Variants in GNG7 observed in about 807,000 individuals in gnomAD.
GNG7 encodes G protein subunit gamma 7.
GNG7 carries 1 observed loss-of-function variant against 4.0 expected under a neutral mutation model. The observed-to-expected ratio is 0.25, with a 90% CI of 0.09 to 1.18. The LOEUF (loss-of-function observed/expected upper bound fraction) is 1.18, where lower values mean the gene tolerates loss of function less well. Among genes scored for constraint, GNG7 ranks in the 50% most tolerant of loss-of-function variants. GNG7 has a pLI of 0.50. For missense variants in GNG7, 86 were observed against 91.9 expected, an observed-to-expected ratio of 0.94 and a Z score of 0.26; for synonymous variants, 34 against 36.9, an observed-to-expected ratio of 0.92 and a Z score of 0.29.
At chr19:2,693,656 C>A (rs1913183456) in intron 1 of GNG7, among the ~76,000 whole-genome samples, 1 of 152,090 alleles carries the variant, frequency 6.6e-6, no homozygotes, top group Non-Finnish European at 1.5e-5. Context: ...GGGCGCTGAG[C>A]AGTGTCCATG....
rs886237632 is a variant in GNG7 at position 2,697,790 on chromosome 19, C to G, written c.-135+4856G>C. Among the ~76,000 whole-genome samples, 5 of 151,006 alleles carry G rather than the reference C, an allele frequency of 3.3e-5. 1 individual carries two copies. The South Asian group carries it at 6.3e-4, about 19-fold the overall frequency. ...GCCAACATGGTGAGGGCCCCGTCCC[C>G]CCCCCCGCCCGTCTCTACTAAAAAT... On this transcript the variant is annotated intron_variant, in intron 1 of 4. Coordinates refer to ENST00000382159, the MANE Select transcript of GNG7 (RefSeq NM_052847.3).
chr19:2,696,896 G>A (rs1199473157), intron 1 of GNG7, among the ~76,000 whole-genome samples: 3 of 152,152 alleles, frequency 2.0e-5, no homozygotes, highest in South Asian at 2.1e-4. Context: ...ACAGAGTCTC[G>A]CTCTGTTGCC....
intron 2 of GNG7, among the ~76,000 whole-genome samples, chr19:2,564,104 T>C (rs1979829040): frequency 6.6e-6 from 1 of 152,080 alleles, no homozygotes; most frequent in African/African-American, 2.4e-5. Flanking sequence ...AGAAAAAGAA[T>C]GTGTATTGAA....
rs1163362591 is a variant in GNG7, at chr19:2,513,173, AC to A, written c.*1848del. 2.1e-6 allele frequency: 2 copies of A among 969,332 alleles called. No homozygotes were observed. Among genetic ancestry groups the A allele is most frequent in the African/African-American group, 3.5e-5 (2 of 56,864 alleles). The allele number at this position is 969,332 out of a possible 1,614,324, so 60.0% of individuals were successfully genotyped here. Reference sequence around the variant, plus strand: ...GCCCTCTAGCCTTGGCGAGGTGGGAACCCTGGCAGTCACCAGCTCAGGAAGT... The same window carrying A: ...GCCCTCTAGCCTTGGCGAGGTGGGAACCTGGCAGTCACCAGCTCAGGAAGT... On this transcript the variant is annotated 3_prime_UTR_variant, in exon 5 of 5. Transcript: ENST00000382159.
chr19:2,635,803 G>C (rs569353504), intron 2 of GNG7, among the ~76,000 whole-genome samples: 48 of 152,142 alleles, frequency 3.2e-4, no homozygotes, highest in African/African-American at 1.1e-3. Flanking sequence ...GGATGGTCTC[G>C]AACTCCTGAC....
intron 2 of GNG7, among the ~76,000 whole-genome samples, chr19:2,627,103 C>T (rs1982040571): frequency 6.6e-6 from 1 of 152,170 alleles, no homozygotes. Flanking sequence ...CTCCTGGGAC[C>T]TCCGCAGGGC....
At position 2,653,314 on chromosome 19, in the gene GNG7, T is replaced by C. The variant is rs1982878797; in HGVS notation, c.-134-7034A>G. Reference sequence around the variant, plus strand: ...CCCTCAGCTCCCAAACCTGGGGATTTGCAACAGACAAACACAGAGCTGGGA... The same window carrying C: ...CCCTCAGCTCCCAAACCTGGGGATTCGCAACAGACAAACACAGAGCTGGGA... On this transcript the variant is annotated intron_variant, in intron 1 of 4. Transcript: ENST00000382159. This position sits in a 1 kb window ranked among gnomAD's most constrained non-coding sequence, Gnocchi z 4.8. Among the ~76,000 whole-genome samples the C allele has an allele frequency of 6.6e-6, 1 of 152,138 alleles. No homozygotes were observed. The highest frequency in any genetic ancestry group is 1.5e-5 in the Non-Finnish European group (1 of 68,032).
At chr19:2,680,571 AT>A (rs967188330) in intron 1 of GNG7, among the ~76,000 whole-genome samples, 4,811 of 125,978 alleles carry the variant, frequency 0.038, 87 homozygotes, top group African/African-American at 0.1. Flanking sequence ...AAAATTTACA[AT>A]TTTTTTTTTT....
chr19:2,586,412 G>A (rs1452365716), intron 2 of GNG7, among the ~76,000 whole-genome samples: 6 of 152,336 alleles, frequency 3.9e-5, no homozygotes, highest in South Asian at 2.1e-4. Flanking sequence ...AGCGAGGGCC[G>A]CAAATGGGGA....
chr19:2,679,984 C>T (rs1177949225), intron 1 of GNG7, among the ~76,000 whole-genome samples: 3 of 152,028 alleles, frequency 2.0e-5, no homozygotes, highest in Admixed American at 6.6e-5. Flanking sequence ...AGATGAGAAA[C>T]CCACAGGGAG....
chr19:2,523,865 T>C (rs1220144294), intron 3 of GNG7, among the ~76,000 whole-genome samples: 2 of 152,094 alleles, frequency 1.3e-5, no homozygotes, highest in African/African-American at 4.8e-5. Flanking sequence ...CCCAGCCTCC[T>C]TGGTTTCCAG....
intron 2 of GNG7, among the ~76,000 whole-genome samples, chr19:2,583,942 G>A (rs1980571320): frequency 6.6e-6 from 1 of 152,162 alleles, no homozygotes; most frequent in African/African-American, 2.4e-5. Context: ...GTGATTCTAT[G>A]ATTATTCAGA....
chr19:2,575,788 C>T (rs1480644712), intron 2 of GNG7, among the ~76,000 whole-genome samples: 11 of 131,780 alleles, frequency 8.3e-5, no homozygotes, highest in South Asian at 2.3e-4. Flanking sequence ...CATGCAGACA[C>T]GCAGGCACAC....
chr19:2,665,653 G>A (rs1440159407), intron 1 of GNG7, among the ~76,000 whole-genome samples: 1 of 152,080 alleles, frequency 6.6e-6, no homozygotes, highest in African/African-American at 2.4e-5. Flanking sequence ...TGTCTGGCTG[G>A]GTGACCTTCA....
chr19:2,576,545 T>G (rs143956227), intron 2 of GNG7, among the ~76,000 whole-genome samples: 34 of 151,094 alleles, frequency 2.3e-4, no homozygotes, highest in African/African-American at 4.4e-4. Context: ...TATTATGTAT[T>G]TATTTATTTA....
intron 3 of GNG7, among the ~76,000 whole-genome samples, chr19:2,553,622 T>G (rs74808627): frequency 1.1e-5 from 1 of 89,272 alleles, no homozygotes; most frequent in East Asian, 3.1e-4. Context: ...ACTACATACA[T>G]GCACACGTTA....
At chr19:2,649,890 G>A (rs571383636) in intron 1 of GNG7, among the ~76,000 whole-genome samples, 3 of 138,204 alleles carry the variant, frequency 2.2e-5, no homozygotes, top group African/African-American at 7.9e-5. Flanking sequence ...CGGCCCCCAC[G>A]CACACCCTCC....
rs1259814062 is a variant in GNG7, at chr19:2,520,693, T to A, written c.-5A>T. 6.6e-6 allele frequency: 10 copies of A among 1,514,404 alleles called. No individual in the cohort carries two copies. The Admixed American group carries it at 1.8e-4, about 27-fold the overall frequency. The allele number at this position is 1,514,404 out of a possible 1,614,324, so 93.8% of individuals were successfully genotyped here. A position where few individuals can be genotyped will look rare whatever the true frequency, so the allele number is the denominator to read the frequency against. ...TATGTTGTTAGTGGCTGACATTGTC[T>A]GCCATCAGCTCTGGGCCCCGTTGTT... On this transcript the variant is annotated 5_prime_UTR_variant, in exon 4 of 5. Transcript: ENST00000382159.
In GNG7 at chr19:2,514,984, GAA is replaced by G. The variant is rs1972712308; in HGVS notation, c.*36_*37del. The G allele has an allele frequency of 3.1e-5, 35 of 1,125,396 alleles. No homozygotes were observed. The highest frequency in any genetic ancestry group is 6.2e-5 in the East Asian group (2 of 32,510). The allele number at this position is 1,125,396 out of a possible 1,614,324, so 69.7% of individuals were successfully genotyped here. ...AGACAGAGACAGAGAGAGAGAGAGA[GAA>G]AGAGAGAGAGAGAGAGAGAACATAT... is the stretch of plus-strand genomic sequence containing the variant. On this transcript the variant is annotated 3_prime_UTR_variant, in exon 5 of 5. Transcript: ENST00000382159.
Sources: gnomAD v4.1 joint callset for allele counts (sites outside exome capture counted in the v4.1 genomes callset) on GRCh38, gnomAD v4.1.1 for gene constraint, Gnocchi (gnomAD v3.1) non-coding constraint, MANE v1.5 for transcripts, NCBI Gene and HGNC (gene_info 2026-07-23, HGNC 2026-07-21) for gene names.